The following CUX2 variants were observed in gnomAD, a reference collection of about 807,000 sequenced individuals.
The protein encoded by CUX2 is cut like homeobox 2.
A neutral mutation model predicts 144.8 loss-of-function variants in CUX2; 40 were observed. That is an observed-to-expected ratio of 0.28 (90% CI 0.21 to 0.36). The LOEUF is 0.36. CUX2 is among the 10% of genes least tolerant of loss of function. CUX2 has a pLI of 1.00. For synonymous variants in CUX2, 827 were observed against 875.6 expected (o/e 0.94, Z 0.98); for missense variants, 1,615 against 1,994.0 (o/e 0.81, Z 3.62).
At chr12:111,347,263 C>T (rs746757876) in intron 21 of CUX2, among the ~76,000 whole-genome samples, 12 of 152,290 alleles carry the variant, frequency 7.9e-5, no homozygotes, top group Middle Eastern at 3.4e-3. Context: ...GTTCAAGTCT[C>T]GGTTCTGCCA....
chr12:111,129,342 A>G (rs900568215), intron 1 of CUX2, among the ~76,000 whole-genome samples: 2 of 152,256 alleles, frequency 1.3e-5, no homozygotes, highest in Non-Finnish European at 2.9e-5. Context: ...AGAGCCAGAG[A>G]GTGCTGTACC....
intron 1 of CUX2, among the ~76,000 whole-genome samples, chr12:111,129,903 T>G (rs1028873118): frequency 6.6e-6 from 1 of 152,134 alleles, no homozygotes; most frequent in African/African-American, 2.4e-5. Flanking sequence ...GGGACCCCAC[T>G]CAGCCCCACT....
rs376294751 is a variant in CUX2 at position 111,312,053 on chromosome 12, G to C, written c.1901-47G>C. 3.5e-5 allele frequency: 54 copies of C among 1,559,870 alleles called. No individual in the cohort carries two copies. The highest frequency in any genetic ancestry group is 4.5e-5 in the South Asian group (4 of 88,142). The stretch of plus-strand genomic sequence containing the variant: ...CCTACCCCACCAGGCTCCGGAGACT[G>C]AGCCCAACATGCAGATCCTGCCACA... On this transcript the variant is annotated intron_variant, in intron 15 of 21. Transcript: ENST00000261726. This position sits in a 1 kb window ranked among gnomAD's most constrained non-coding sequence, Gnocchi z 4.3.
intron 1 of CUX2, among the ~76,000 whole-genome samples, chr12:111,090,086 C>G (rs776766687): frequency 1.3e-5 from 2 of 152,124 alleles, no homozygotes; most frequent in Non-Finnish European, 2.9e-5. Flanking sequence ...GCTGCAGCAT[C>G]TTGATGAGTG....
chr12:111,211,511 A>G (rs1881226049), intron 1 of CUX2, among the ~76,000 whole-genome samples: 1 of 152,136 alleles, frequency 6.6e-6, no homozygotes, highest in South Asian at 2.1e-4. Flanking sequence ...GATGTTTTTA[A>G]TGAGAGGCAA....
rs11833230 is a variant in CUX2 at position 111,143,456 on chromosome 12, C to T, written c.64-70744C>T. On this transcript the variant is annotated intron_variant, in intron 1 of 21. Transcript: ENST00000261726. ...CTACACAGGCCCGGGACCCCAGAGA[C>T]GGGAGTGCAGAATTAATGGCAGTCC... 9.9e-3 allele frequency among the ~76,000 whole-genome samples: 1,507 copies of T among 152,264 alleles called. 31 individuals carry two copies. The highest frequency in any genetic ancestry group is 0.035 in the African/African-American group (1,441 of 41,540).
rs192933828 is a variant in CUX2 at position 111,191,601 on chromosome 12, C to A, written c.64-22599C>A. 3.2e-3 allele frequency among the ~76,000 whole-genome samples: 483 copies of A among 152,300 alleles called. 1 individual carries two copies. Among genetic ancestry groups the A allele is most frequent in the African/African-American group, 0.011 (453 of 41,556 alleles). ...TTGGCCCCCCAAAGTGTCGGGATTA[C>A]AGGCGTGAGCCCCCATACCCAGCCC... On this transcript the variant is annotated intron_variant, in intron 1 of 21. Coordinates refer to ENST00000261726, the MANE Select transcript of CUX2 (RefSeq NM_015267.4).
At chr12:111,318,242 TTTC>T (rs1428778906) in intron 16 of CUX2, among the ~76,000 whole-genome samples, 5,024 of 124,498 alleles carry the variant, frequency 0.04, 280 homozygotes, top group African/African-American at 0.11. Flanking sequence ...TTTTTTCTTT[TTTC>T]TTTTTTTTTT....
chr12:111,348,639 A>C lies in CUX2; in HGVS notation c.*314A>C. ...AACTCTTTTAGAAAAATAAATAAAT[A>C]TTTATAGACCTCTTTTAGATATTTT... On this transcript the variant is annotated 3_prime_UTR_variant, in exon 22 of 22. Transcript: ENST00000261726. 3.8e-6 allele frequency: 1 copy of C among 261,480 alleles called. No individual in the cohort carries two copies. Among genetic ancestry groups the C allele is most frequent in the Non-Finnish European group, 7.2e-6 (1 of 138,416 alleles). 16.2% of individuals were successfully genotyped at this position (261,480 alleles called of 1,614,324 possible).
At chr12:111,148,052 C>A (rs1876809114) in intron 1 of CUX2, among the ~76,000 whole-genome samples, 1 of 152,198 alleles carries the variant, frequency 6.6e-6, no homozygotes, top group Admixed American at 6.5e-5. Flanking sequence ...GCTACACACC[C>A]TAAAAATTGG....
chr12:111,315,142 T>C (rs1887129396), intron 16 of CUX2, among the ~76,000 whole-genome samples: 1 of 152,070 alleles, frequency 6.6e-6, no homozygotes, highest in Admixed American at 6.6e-5. Context: ...CCCATACCCC[T>C]GGCAAAAAAA....
intron 1 of CUX2, among the ~76,000 whole-genome samples, chr12:111,150,532 G>A (rs926265797): frequency 1.3e-5 from 2 of 152,188 alleles, no homozygotes; most frequent in African/African-American, 4.8e-5. Flanking sequence ...TGGGCTTTTG[G>A]AGTGGGGGAA....
In CUX2 at chr12:111,334,615, C is replaced by T; in HGVS notation, c.3101C>T (p.Pro1034Leu). The change falls in exon 19 of 22, where the codon CCA becomes CTA. Residue 1034 changes from proline (P) to leucine (L), a missense_variant. Pro to Leu is a moderately conservative substitution (Grantham distance 98). Transcript: ENST00000261726. ...SGKMYSGSQA[P>L]GGIQEIVAMS... is the part of the protein sequence containing the mutation. ...AAGATGTACTCAGGCAGCCAGGCCC[C>T]AGGGGGCATCCAGGAGATCGTGGCC... 6.2e-7 allele frequency: 1 copy of T among 1,614,082 alleles called. No individual in the cohort carries two copies. Among genetic ancestry groups the T allele is most frequent in the Non-Finnish European group, 8.5e-7 (1 of 1,180,042 alleles).
At chr12:111,150,197 G>T (rs1375139587) in intron 1 of CUX2, among the ~76,000 whole-genome samples, 1 of 152,190 alleles carries the variant, frequency 6.6e-6, no homozygotes, top group Non-Finnish European at 1.5e-5. Context: ...ATGCGAAGTG[G>T]CAAGACAGGG....
chr12:111,080,849 C>T (rs1871845954), intron 1 of CUX2, among the ~76,000 whole-genome samples: 1 of 152,182 alleles, frequency 6.6e-6, no homozygotes, highest in Non-Finnish European at 1.5e-5. Flanking sequence ...ATAATAAGCA[C>T]TCAACAAATA....
At chr12:111,278,502 T>G (rs979776189) in intron 4 of CUX2, among the ~76,000 whole-genome samples, 1 of 152,198 alleles carries the variant, frequency 6.6e-6, no homozygotes, top group Non-Finnish European at 1.5e-5. Flanking sequence ...GCCACAGAGA[T>G]GCCCCCATGG....
At chr12:111,286,717 AC>A (rs1361179430) in intron 4 of CUX2, among the ~76,000 whole-genome samples, 2 of 152,118 alleles carry the variant, frequency 1.3e-5, no homozygotes, top group African/African-American at 4.8e-5. Flanking sequence ...TACTGAAGAT[AC>A]AAAAATTAGC....
intron 1 of CUX2, among the ~76,000 whole-genome samples, chr12:111,212,826 G>C (rs902363869): frequency 6.6e-6 from 1 of 152,224 alleles, no homozygotes; most frequent in Non-Finnish European, 1.5e-5. Flanking sequence ...GCTCTGGTGA[G>C]CTGCTATTGA....
intron 3 of CUX2, among the ~76,000 whole-genome samples, chr12:111,259,872 A>G (rs1439736379): frequency 2.0e-5 from 3 of 151,986 alleles, no homozygotes; most frequent in African/African-American, 7.3e-5. Context: ...TGATATGTTC[A>G]TAACACTAGC....
Sources: gnomAD v4.1 joint callset for allele counts (sites outside exome capture counted in the v4.1 genomes callset) on GRCh38, gnomAD v4.1.1 for gene constraint, Gnocchi (gnomAD v3.1) non-coding constraint, MANE v1.5 for transcripts, NCBI Gene and HGNC (gene_info 2026-07-23, HGNC 2026-07-21) for gene names.